Variants in ZBTB46 observed in about 807,000 individuals in gnomAD.
ZBTB46 encodes the protein zinc finger and BTB domain containing 46.
A neutral mutation model predicts 44.1 loss-of-function variants in ZBTB46; 8 were observed. That is an observed-to-expected ratio of 0.18 (90% confidence interval 0.11 to 0.33). ZBTB46 has a LOEUF of 0.33. Ranked by LOEUF, ZBTB46 falls within the 10% of genes least tolerant of loss-of-function variation. The pLI is 1.00. For missense variants in ZBTB46, 651 were observed against 847.7 expected, an observed-to-expected ratio of 0.77 and a Z score of 2.88; for synonymous variants, 409 against 382.3, an observed-to-expected ratio of 1.07 and a Z score of -0.81.
At chr20:63,817,584 C>T (rs570615467) in intron 1 of ZBTB46, among the ~76,000 whole-genome samples, 3 of 151,058 alleles carry the variant, frequency 2.0e-5, no homozygotes, top group African/African-American at 4.9e-5. Flanking sequence ...GGCGTGGTGG[C>T]ACACGCCTGT....
At chr20:63,805,765 CT>C (rs370417896) in intron 1 of ZBTB46, among the ~76,000 whole-genome samples, 3 of 149,406 alleles carry the variant, frequency 2.0e-5, no homozygotes, top group Non-Finnish European at 4.4e-5. Context: ...TTTTTTTTTC[CT>C]TTTTTTTGAG....
At position 63,787,811 on chromosome 20, in the gene ZBTB46, C is replaced by T. The variant is rs375538904; in HGVS notation, c.937+2010G>A. 2 of 152,210 alleles carry T rather than the reference C, an allele frequency of 1.3e-5. No homozygotes were observed. The highest frequency in any genetic ancestry group is 2.1e-4 in the South Asian group (1 of 4,834). 9.4% of individuals were successfully genotyped at this position (152,210 alleles called of 1,614,324 possible). On this transcript the variant is annotated intron_variant, in intron 2 of 4. Transcript: ENST00000245663. This position sits in a 1 kb window ranked among gnomAD's most constrained non-coding sequence, Gnocchi z 4.6. The stretch of plus-strand genomic sequence containing the variant: ...GTTCTACCACAATGATAAAAGTTAA[C>T]GTATTATCGAGCTGTGTTCACTCCC...
At chr20:63,747,853 C>T (rs935102418) in intron 4 of ZBTB46, among the ~76,000 whole-genome samples, 1 of 152,180 alleles carries the variant, frequency 6.6e-6, no homozygotes, top group African/African-American at 2.4e-5. Flanking sequence ...GGTTGACACA[C>T]TTCTCACGGG....
chr20:63,747,876 G>A (rs1197771025), intron 4 of ZBTB46, among the ~76,000 whole-genome samples: 2 of 152,182 alleles, frequency 1.3e-5, no homozygotes, highest in African/African-American at 2.4e-5. Context: ...TCACACCACC[G>A]GCCTCTGCCT....
chr20:63,781,977 C>T (rs2092473528), intron 2 of ZBTB46, among the ~76,000 whole-genome samples: 2 of 151,186 alleles, frequency 1.3e-5, no homozygotes, highest in South Asian at 4.2e-4. Context: ...GTCTCAGCTA[C>T]TCAGGAGGCT....
chr20:63,812,791 A>G (rs997536963), intron 1 of ZBTB46, among the ~76,000 whole-genome samples: 3 of 152,060 alleles, frequency 2.0e-5, no homozygotes, highest in Non-Finnish European at 4.4e-5. Context: ...ACAAAAAACA[A>G]AACAAAACAA....
chr20:63,767,777 C>T lies in ZBTB46; in HGVS notation c.1222+7901G>A. 2.8e-6 allele frequency: 2 copies of T among 708,884 alleles called. No homozygotes were observed. Among genetic ancestry groups the T allele is most frequent in the Non-Finnish European group, 3.5e-6 (2 of 577,154 alleles). 43.9% of individuals were successfully genotyped at this position (708,884 alleles called of 1,614,324 possible). A position where few individuals can be genotyped will look rare whatever the true frequency, so the allele number is the denominator to read the frequency against. Reference sequence around the variant, plus strand: ...AGCGCCCAAGGAGCTCCAGGCGAGGCCAAGCCGTCCTGGCACTGGCTGCCC... The same window carrying T: ...AGCGCCCAAGGAGCTCCAGGCGAGGTCAAGCCGTCCTGGCACTGGCTGCCC... On this transcript the variant is annotated intron_variant, in intron 3 of 4. Coordinates refer to ENST00000245663, the MANE Select transcript of ZBTB46 (RefSeq NM_001369741.1). The surrounding 1 kb of genome is among the most constrained non-coding windows in gnomAD (Gnocchi z 5.0).
At chr20:63,789,566 C>T (rs1031915270) in intron 2 of ZBTB46, among the ~76,000 whole-genome samples, 2 of 152,228 alleles carry the variant, frequency 1.3e-5, no homozygotes, top group African/African-American at 4.8e-5. Context: ...CCAGGCAGCC[C>T]CCGTGTGTGG....
chr20:63,793,129 C>T lies in ZBTB46; in HGVS notation c.-33-2339G>A, dbSNP rs1221803135. On this transcript the variant is annotated intron_variant, in intron 1 of 4. Coordinates refer to ENST00000245663, the MANE Select transcript of ZBTB46 (RefSeq NM_001369741.1). ...ATGCCAAGACCAGGCCCCCGCCTGA[C>T]TCCAGGTGCTGCCTCAACGGCGGCA... Among the ~76,000 whole-genome samples the T allele has an allele frequency of 2.1e-5, 3 of 141,590 alleles. No homozygotes were observed. In the East Asian group the frequency reaches 5.9e-4, roughly 28 times the overall value. The allele number at this position is 141,590 out of a possible 152,430, so 92.9% of individuals were successfully genotyped here.
At chr20:63,777,222 C>T (rs1213333082) in intron 2 of ZBTB46, among the ~76,000 whole-genome samples, 2 of 152,202 alleles carry the variant, frequency 1.3e-5, no homozygotes, top group Non-Finnish European at 2.9e-5. Context: ...CCAGTCCCAA[C>T]ATTTTGGGAG....
At chr20:63,763,094 A>G (rs1209855475) in intron 3 of ZBTB46, among the ~76,000 whole-genome samples, 2 of 152,182 alleles carry the variant, frequency 1.3e-5, no homozygotes, top group Non-Finnish European at 2.9e-5. Flanking sequence ...TCTTGGCCCC[A>G]AGTGATCCTC....
Position 63,745,121 on chromosome 20 carries a change from G to A in ZBTB46, c.*1809C>T, listed in dbSNP as rs1361410249. On this transcript the variant is annotated 3_prime_UTR_variant, in exon 5 of 5. Transcript: ENST00000245663. ...TGGTAGCCATGCTCTCCCCCTGGGG[G>A]ACTCGTGCCAGAGCCACCCACCTTG... 6.6e-6 allele frequency: 1 copy of A among 152,420 alleles called. No homozygotes were observed. Among genetic ancestry groups the A allele is most frequent in the African/African-American group, 2.4e-5 (1 of 41,468 alleles). 9.4% of individuals were successfully genotyped at this position (152,420 alleles called of 1,614,324 possible). A position where few individuals can be genotyped will look rare whatever the true frequency, so the allele number is the denominator to read the frequency against.
intron 3 of ZBTB46, among the ~76,000 whole-genome samples, chr20:63,770,611 G>C (rs1043820313): frequency 6.6e-6 from 1 of 152,154 alleles, no homozygotes; most frequent in African/African-American, 2.4e-5. Flanking sequence ...CTGTGCTGCT[G>C]GCCTGCTGCC....
Position 63,747,176 on chromosome 20 carries a change from G to T in ZBTB46, c.1524C>A (p.Gly508=). 4 of 1,609,104 alleles carry T rather than the reference G, an allele frequency of 2.5e-6. No homozygotes were observed. The South Asian group carries it at 4.4e-5, about 18-fold the overall frequency. The change falls in exon 5 of 5, where the codon GGC becomes GGA. Residue 508 remains glycine, a synonymous_variant. Transcript: ENST00000245663. ...CGCCATGGTCCAGGGGCCCGGCCAT[G>T]CCGCGGCCAGCACAGTCGGTGCACA... ...HGVCTDCAGR[G]MAGPLDHGGG... is the part of the protein sequence containing the mutation.
chr20:63,831,659 C>T (rs2092853191), upstream of ZBTB46, among the ~76,000 whole-genome samples: 1 of 150,196 alleles, frequency 6.7e-6, no homozygotes, highest in African/African-American at 2.4e-5. Flanking sequence ...GCGGAGCAGC[C>T]TGGAAACACC....
intron 1 of ZBTB46, chr20:63,791,060 A>C: frequency 2.8e-6 from 1 of 356,458 alleles, no homozygotes; most frequent in Admixed American, 4.3e-5. Context: ...ACAGAATCCC[A>C]CATACGGCAA....
At chr20:63,747,668 C>A (rs1037656206) in intron 4 of ZBTB46, among the ~76,000 whole-genome samples, 3 of 152,022 alleles carry the variant, frequency 2.0e-5, no homozygotes, top group Admixed American at 1.3e-4. Context: ...AGACCTTGAG[C>A]CCCAGCTCCT....
At chr20:63,798,162 T>A (rs2092617331) in intron 1 of ZBTB46, among the ~76,000 whole-genome samples, 2 of 152,230 alleles carry the variant, frequency 1.3e-5, no homozygotes, top group African/African-American at 2.4e-5. Context: ...CCATCTTGAA[T>A]TAATTTTTGT....
intron 1 of ZBTB46, among the ~76,000 whole-genome samples, chr20:63,813,097 A>AAAAAC (rs11472667): frequency 0.18 from 26,870 of 151,628 alleles, 2,877 homozygotes; most frequent in East Asian, 0.44. Context: ...TCCGTCTCAA[A>AAAAAC]AAAACAAAAC....
Sources: gnomAD v4.1 joint callset for allele counts (sites outside exome capture counted in the v4.1 genomes callset) on GRCh38, gnomAD v4.1.1 for gene constraint, Gnocchi (gnomAD v3.1) non-coding constraint, MANE v1.5 for transcripts, NCBI Gene and HGNC (gene_info 2026-07-23, HGNC 2026-07-21) for gene names.